Variants in ZNF396 observed in about 807,000 individuals in gnomAD.
The protein encoded by ZNF396 is zinc finger and SCAN domain-containing protein 14.
A neutral mutation model predicts 20.5 loss-of-function variants in ZNF396; 14 were observed. The ratio of observed to expected loss-of-function variants is 0.68; its 90% CI spans 0.45 to 1.07. ZNF396 has a LOEUF of 1.07. Among genes scored for constraint, ZNF396 ranks in the 50% least tolerant of loss-of-function variants. The probability of loss-of-function intolerance (pLI) is 0.00; values close to 1 mark genes in which losing one functional copy is unlikely to be tolerated. For missense variants in ZNF396, 347 were observed against 390.1 expected (o/e 0.89, Z 0.93); for synonymous variants, 119 against 140.6 (o/e 0.85, Z 1.08).
intron 1 of ZNF396, among the ~76,000 whole-genome samples, chr18:35,376,523 A>G (rs1036938847): frequency 3.9e-5 from 6 of 152,188 alleles, no homozygotes; most frequent in Admixed American, 3.9e-4. Context: ...CATAGGCAGC[A>G]GGGGCCCTTG....
Position 35,374,310 on chromosome 18 carries a change from T to C in ZNF396, c.-18A>G, listed in dbSNP as rs760995915. ...GCAGACATTTTGACAGACAAATAGC[T>C]CAGTACTGTTAGGCTTTAATCCTCA... On this transcript the variant is annotated 5_prime_UTR_variant, in exon 2 of 4. Transcript: ENST00000589332. This position sits in a 1 kb window ranked among gnomAD's most constrained non-coding sequence, Gnocchi z 4.3. 16 of 1,607,040 alleles carry C rather than the reference T, an allele frequency of 1.0e-5. No individual in the cohort carries two copies. In the South Asian group the frequency reaches 1.3e-4, roughly 13 times the overall value.
Position 35,368,666 on chromosome 18 carries a change from G to T in ZNF396, c.*549C>A. 1.3e-6 allele frequency: 1 copy of T among 765,930 alleles called. No homozygotes were observed. The highest frequency in any genetic ancestry group is 1.6e-6 in the Non-Finnish European group (1 of 628,428). The allele number at this position is 765,930 out of a possible 1,614,324, so 47.4% of individuals were successfully genotyped here. On this transcript the variant is annotated 3_prime_UTR_variant, in exon 4 of 4. Transcript: ENST00000589332. ...GGGGTTTCGCCGTGTTGTCCAGGCT[G>T]GTCTTGAACTCCTGAGTTCAGGCAA...
Position 35,368,758 on chromosome 18 carries a change from T to G in ZNF396, c.*457A>C. 1 of 989,498 alleles carries G rather than the reference T, an allele frequency of 1.0e-6. No homozygotes were observed. Among genetic ancestry groups the G allele is most frequent in the Non-Finnish European group, 1.2e-6 (1 of 832,892 alleles). The allele number at this position is 989,498 out of a possible 1,614,324, so 61.3% of individuals were successfully genotyped here. Reference sequence around the variant, plus strand: ...TGAGCCAACCGCACCCAGCCAGGAATTCTTTTTGAGTGCTTTAATTTTTGG... The same window carrying G: ...TGAGCCAACCGCACCCAGCCAGGAAGTCTTTTTGAGTGCTTTAATTTTTGG... On this transcript the variant is annotated 3_prime_UTR_variant, in exon 4 of 4. Coordinates refer to ENST00000589332, the MANE Select transcript of ZNF396 (RefSeq NM_001322286.2).
In ZNF396 at chr18:35,374,340, G is replaced by A. The variant is rs556543508; in HGVS notation, c.-48C>T. On this transcript the variant is annotated 5_prime_UTR_variant, in exon 2 of 4. Coordinates refer to ENST00000589332, the MANE Select transcript of ZNF396 (RefSeq NM_001322286.2). This position sits in a 1 kb window ranked among gnomAD's most constrained non-coding sequence, Gnocchi z 4.3. ...ACTGTTAGGCTTTAATCCTCAAGGA[G>A]GTGAAGCTGTCCTGATGGACACTCC... is the stretch of plus-strand genomic sequence containing the variant. The A allele has an allele frequency of 3.8e-6, 6 of 1,565,514 alleles. No homozygotes were observed. The East Asian group carries it at 1.3e-4, about 35-fold the overall frequency.
chr18:35,376,527 G>A (rs9956801), intron 1 of ZNF396, among the ~76,000 whole-genome samples: 60 of 152,296 alleles, frequency 3.9e-4, no homozygotes, highest in African/African-American at 1.3e-3. Context: ...GGCAGCAGGG[G>A]CCCTTGTGGT....
At position 35,374,025 on chromosome 18, in the gene ZNF396, G is replaced by A; in HGVS notation, c.268C>T (p.Gln90Ter). ...WLRPEVHTKE[Q>*]ILELLVLEQF... The stretch of plus-strand genomic sequence containing the variant: ...TCCAGCACCAGCAGCTCCAGGATCT[G>A]CTCCTTGGTGTGCACTTCCGGCCTC... The change falls in exon 2 of 4, where the codon CAG becomes TAG. Residue 90 changes from glutamine to a stop codon, truncating the protein, a stop_gained. Coordinates refer to ENST00000589332, the MANE Select transcript of ZNF396 (RefSeq NM_001322286.2). LOFTEE classifies it high-confidence loss of function. The surrounding 1 kb of genome is among the most constrained non-coding windows in gnomAD (Gnocchi z 4.3). The A allele has an allele frequency of 6.2e-7, 1 of 1,614,248 alleles. No individual in the cohort carries two copies. Among genetic ancestry groups the A allele is most frequent in the Non-Finnish European group, 8.5e-7 (1 of 1,180,046 alleles).
intron 3 of ZNF396, 161 bp downstream of exon 3, chr18:35,373,295 A>C (rs890979269): frequency 1.9e-5 from 15 of 793,176 alleles, no homozygotes; most frequent in Middle Eastern, 2.7e-4. Flanking sequence ...AGAACAAAAT[A>C]CTGAAGATCT....
intron 3 of ZNF396, among the ~76,000 whole-genome samples, chr18:35,370,021 G>A (rs997313581): frequency 2.0e-5 from 3 of 152,096 alleles, no homozygotes; most frequent in African/African-American, 7.2e-5. Context: ...TAACAAACAA[G>A]ATTTAGTACT....
At chr18:35,377,065 G>C (rs961231965) in intron 1 of ZNF396, among the ~76,000 whole-genome samples, 3 of 152,142 alleles carry the variant, frequency 2.0e-5, no homozygotes, top group Non-Finnish European at 2.9e-5. Flanking sequence ...GGGTCCGCCG[G>C]GGAAGGACGA....
chr18:35,374,260 G>A lies in ZNF396; in HGVS notation c.33C>T (p.Leu11=), dbSNP rs781029581. The A allele has an allele frequency of 3.1e-6, 5 of 1,614,054 alleles. No homozygotes were observed. In the South Asian group the frequency reaches 4.4e-5, roughly 14 times the overall value. The change falls in exon 2 of 4, where the codon CTC becomes CTT. Residue 11 remains leucine (L), a synonymous_variant. Transcript: ENST00000589332. The surrounding 1 kb of genome is among the most constrained non-coding windows in gnomAD (Gnocchi z 4.3). The part of the protein sequence containing the change: MSAKLGKSSS[L]LTQTSEECNG... ...TACACTCCTCTGAAGTTTGTGTTAG[G>A]AGTGATGATGACTTTCCCAATTTTG...
chr18:35,372,718 G>A (rs2909346), intron 3 of ZNF396: 131,720 of 152,186 alleles, frequency 0.87, 57,891 homozygotes, highest in Non-Finnish European at 0.91. Context: ...AAGTAGCATG[G>A]CCCTTTTATC....
chr18:35,370,100 GAAGA>G, intron 3 of ZNF396, among the ~76,000 whole-genome samples: 1 of 152,250 alleles, frequency 6.6e-6, no homozygotes, highest in East Asian at 1.9e-4. Context: ...GAAATGAGCT[GAAGA>G]AAGCCAAGGG....
intron 3 of ZNF396, among the ~76,000 whole-genome samples, chr18:35,371,052 A>G (rs1440705659): frequency 6.6e-6 from 1 of 152,174 alleles, no homozygotes; most frequent in Admixed American, 6.5e-5. Flanking sequence ...TTAGGGTGAG[A>G]AAGGTAGTCT....
rs1201929872 is a variant in ZNF396, at chr18:35,367,339, C to T, written c.*1876G>A. Reference sequence around the variant, plus strand: ...CTAACTAAGCAGAGTGTGGTAATTCCACATATTTGGAGCTCCTCTAAGCCA... The same window carrying T: ...CTAACTAAGCAGAGTGTGGTAATTCTACATATTTGGAGCTCCTCTAAGCCA... On this transcript the variant is annotated 3_prime_UTR_variant, in exon 4 of 4. Transcript: ENST00000589332. 2 of 152,092 alleles carry T rather than the reference C, an allele frequency of 1.3e-5. No homozygotes were observed. The highest frequency in any genetic ancestry group is 1.3e-4 in the Admixed American group (2 of 15,266). The allele number at this position is 152,092 out of a possible 1,614,324, so 9.4% of individuals were successfully genotyped here.
rs1184343093 is a variant in ZNF396 at position 35,368,056 on chromosome 18, T to C, written c.*1159A>G. Reference sequence around the variant, plus strand: ...TGTGGTACATCTCTCCGACACACACTGTACTTGACAACACTTGTGGTACAT... The same window carrying C: ...TGTGGTACATCTCTCCGACACACACCGTACTTGACAACACTTGTGGTACAT... On this transcript the variant is annotated 3_prime_UTR_variant, in exon 4 of 4. Coordinates refer to ENST00000589332, the MANE Select transcript of ZNF396 (RefSeq NM_001322286.2). 1 of 185,860 alleles carries C rather than the reference T, an allele frequency of 5.4e-6. No homozygotes were observed. Among genetic ancestry groups the C allele is most frequent in the African/African-American group, 2.3e-5 (1 of 42,728 alleles). The allele number at this position is 185,860 out of a possible 1,614,324, so 11.5% of individuals were successfully genotyped here.
Position 35,374,033 on chromosome 18 carries a change from G to T in ZNF396, c.260C>A (p.Thr87Asn). Residue 87 changes from threonine to asparagine, a missense_variant, in exon 2 of 4, where the codon ACC becomes AAC. Coordinates refer to ENST00000589332, the MANE Select transcript of ZNF396 (RefSeq NM_001322286.2). The surrounding 1 kb of genome is among the most constrained non-coding windows in gnomAD (Gnocchi z 4.3). ...CHLWLRPEVH[T>N]KEQILELLVL... ...CAGCAGCTCCAGGATCTGCTCCTTG[G>T]TGTGCACTTCCGGCCTCAGCCAGAG... 6.2e-7 allele frequency: 1 copy of T among 1,614,200 alleles called. No individual in the cohort carries two copies. Among genetic ancestry groups the T allele is most frequent in the Non-Finnish European group, 8.5e-7 (1 of 1,180,038 alleles).
Position 35,369,235 on chromosome 18 carries a change from T to C in ZNF396, c.988A>G (p.Ile330Val), listed in dbSNP as rs1003186692. ...SNLFRHRKRH[I>V]RKKVP ...GATACTTATGGGACTTTTTTTCTAA[T>C]GTGTCTTTTCCTATGTCTAAAAAGA... Residue 330 changes from isoleucine to valine, a missense_variant, in exon 4 of 4, where the codon ATT becomes GTT. Coordinates refer to ENST00000589332, the MANE Select transcript of ZNF396 (RefSeq NM_001322286.2). 3 of 1,588,748 alleles carry C rather than the reference T, an allele frequency of 1.9e-6. No individual in the cohort carries two copies. The highest frequency in any genetic ancestry group is 2.6e-6 in the Non-Finnish European group (3 of 1,169,208).
Position 35,376,952 on chromosome 18 carries a change from C to G in ZNF396, c.-73+326G>C, listed in dbSNP as rs1007293383. On this transcript the variant is annotated intron_variant, in intron 1 of 3. Transcript: ENST00000589332. Reference sequence around the variant, plus strand: ...GGAGGGCTGGCTTCCGACCATCTCCCGACCTCCCGCGCCCACCGCGCCGCG... The same window carrying G: ...GGAGGGCTGGCTTCCGACCATCTCCGGACCTCCCGCGCCCACCGCGCCGCG... Among the ~76,000 whole-genome samples, 71 of 152,026 alleles carry G rather than the reference C, an allele frequency of 4.7e-4. 1 individual carries two copies. The highest frequency in any genetic ancestry group is 9.9e-4 in the Non-Finnish European group (67 of 67,996).
chr18:35,367,208 T>C lies in ZNF396; in HGVS notation c.*2007A>G, dbSNP rs2045108844. ...GACTCAAGATACACACAACTCAATA[T>C]AAAATTCATATTCACTAGAGCTACA... On this transcript the variant is annotated 3_prime_UTR_variant, in exon 4 of 4. Coordinates refer to ENST00000589332, the MANE Select transcript of ZNF396 (RefSeq NM_001322286.2). The C allele has an allele frequency of 6.6e-6, 1 of 152,184 alleles. No individual in the cohort carries two copies. Among genetic ancestry groups the C allele is most frequent in the Non-Finnish European group, 1.5e-5 (1 of 68,026 alleles). The allele number at this position is 152,184 out of a possible 1,614,324, so 9.4% of individuals were successfully genotyped here. A position where few individuals can be genotyped will look rare whatever the true frequency, so the allele number is the denominator to read the frequency against.
Sources: gnomAD v4.1 joint callset for allele counts (sites outside exome capture counted in the v4.1 genomes callset) on GRCh38, gnomAD v4.1.1 for gene constraint, Gnocchi (gnomAD v3.1) non-coding constraint, MANE v1.5 for transcripts, NCBI Gene and HGNC (gene_info 2026-07-23, HGNC 2026-07-21) for gene names.